SEC24D: variants seen among roughly 807,000 people sequenced by gnomAD.
SEC24D encodes the protein protein transport protein Sec24D.
In SEC24D, 69 loss-of-function variants were observed where a neutral mutation model predicts 116.9. The ratio of observed to expected loss-of-function variants is 0.59; its 90% CI spans 0.49 to 0.72. The LOEUF (loss-of-function observed/expected upper bound fraction) is 0.72, where lower values mean the gene tolerates loss of function less well. SEC24D is among the 30% of genes least tolerant of loss of function. The pLI, the probability that SEC24D is intolerant of heterozygous loss-of-function variation, is 0.00. For synonymous variants in SEC24D, 405 were observed against 442.8 expected (o/e 0.91, Z 1.07); for missense variants, 1,131 against 1,264.1 (o/e 0.89, Z 1.60).
Position 118,735,479 on chromosome 4 carries a change from G to A in SEC24D, c.2497-2567C>T, listed in dbSNP as rs115368226. On this transcript the variant is annotated intron_variant, in intron 19 of 22. Coordinates refer to ENST00000280551, the MANE Select transcript of SEC24D (RefSeq NM_014822.4). ...TTTGGAAAATTCTTTCCTTCTTTAGGTTTTAAAGTGACAGAAGTGGTAATG... is the reference window on the plus strand; with the variant it reads ...TTTGGAAAATTCTTTCCTTCTTTAGATTTTAAAGTGACAGAAGTGGTAATG... 7.5e-3 allele frequency among the ~76,000 whole-genome samples: 1,139 copies of A among 151,998 alleles called. 12 individuals are homozygous for A. The highest frequency in any genetic ancestry group is 0.023 in the African/African-American group (962 of 41,450).
chr4:118,809,568 A>T (rs1729817396), intron 6 of SEC24D, among the ~76,000 whole-genome samples: 1 of 152,218 alleles, frequency 6.6e-6, no homozygotes, highest in Admixed American at 6.5e-5. Context: ...TTAAGATAAA[A>T]ATAAATACTG....
chr4:118,772,199 A>T (rs1283068834), intron 8 of SEC24D, among the ~76,000 whole-genome samples: 1 of 152,202 alleles, frequency 6.6e-6, no homozygotes, highest in African/African-American at 2.4e-5. Flanking sequence ...GAAAGTAATG[A>T]ATTGCAATGA....
intron 3 of SEC24D, 117 bp downstream of exon 3, chr4:118,824,503 G>T: frequency 9.5e-7 from 1 of 1,057,790 alleles, no homozygotes; most frequent in Non-Finnish European, 1.4e-6. Flanking sequence ...CCTTTCAGGG[G>T]TGTGTAACAT....
rs542762349 is a variant in SEC24D, at chr4:118,810,937, T to C, written c.801+4091A>G. 5.1e-4 allele frequency among the ~76,000 whole-genome samples: 77 copies of C among 152,200 alleles called. 1 individual carries two copies. In the South Asian group the frequency reaches 0.016, roughly 32 times the overall value. ...CAGAGATATAAGCAAATGGGTGGAA[T>C]CCCAGAAGCAAAATGTAAAAGTTTC... On this transcript the variant is annotated intron_variant, in intron 6 of 22. Transcript: ENST00000280551.
intron 3 of SEC24D, among the ~76,000 whole-genome samples, chr4:118,818,453 A>T (rs115103359): frequency 0.044 from 6,654 of 152,302 alleles, 203 homozygotes; most frequent in Non-Finnish European, 0.064. Flanking sequence ...TGAGTGCACT[A>T]TTCAAAGCAT....
chr4:118,803,055 C>T (rs1457414580), intron 7 of SEC24D, among the ~76,000 whole-genome samples: 1 of 152,070 alleles, frequency 6.6e-6, no homozygotes, highest in African/African-American at 2.4e-5. Context: ...CTCATAGAGA[C>T]AGAACGTAGA....
intron 19 of SEC24D, 24 bp downstream of exon 19, chr4:118,738,237 A>T: frequency 6.8e-7 from 1 of 1,462,518 alleles, no homozygotes; most frequent in Non-Finnish European, 9.6e-7. Flanking sequence ...ACACTTTAAC[A>T]TCTATGTGCA....
intron 13 of SEC24D, among the ~76,000 whole-genome samples, chr4:118,747,369 C>T (rs868082049): frequency 6.7e-6 from 1 of 149,356 alleles, no homozygotes; most frequent in Admixed American, 6.7e-5. Context: ...TGGGTTCAAG[C>T]GATTCTTCTG....
chr4:118,792,153 T>C (rs1431950215), intron 8 of SEC24D, among the ~76,000 whole-genome samples: 1 of 147,174 alleles, frequency 6.8e-6, no homozygotes, highest in Non-Finnish European at 1.5e-5. Context: ...GTCTGGGAAC[T>C]GAGGAGTGTC....
At chr4:118,793,083 A>ACTCT (rs1434455103) in intron 8 of SEC24D, among the ~76,000 whole-genome samples, 1 of 152,140 alleles carries the variant, frequency 6.6e-6, no homozygotes, top group South Asian at 2.1e-4. Flanking sequence ...GAGATCAGGA[A>ACTCT]AATAATAAAG....
chr4:118,723,044 A>T lies in SEC24D; in HGVS notation c.*471T>A, dbSNP rs974958793. On this transcript the variant is annotated 3_prime_UTR_variant, in exon 23 of 23. Transcript: ENST00000280551. ...ATCCCAAGGTTATTAAAAGTCTGCTATGCAGACCTTAAGTTGAAAAATGTG... is the reference window on the plus strand; with the variant it reads ...ATCCCAAGGTTATTAAAAGTCTGCTTTGCAGACCTTAAGTTGAAAAATGTG... 6.5e-6 allele frequency: 1 copy of T among 152,714 alleles called. No individual in the cohort carries two copies. Among genetic ancestry groups the T allele is most frequent in the Non-Finnish European group, 1.5e-5 (1 of 68,120 alleles). The allele number at this position is 152,714 out of a possible 1,614,324, so 9.5% of individuals were successfully genotyped here. A position where few individuals can be genotyped will look rare whatever the true frequency, so the allele number is the denominator to read the frequency against.
chr4:118,815,751 A>C (rs745507323), intron 4 of SEC24D, 25 bp from the exon 5 acceptor site: 3 of 1,610,270 alleles, frequency 1.9e-6, no homozygotes, highest in African/African-American at 2.7e-5. Flanking sequence ...AGACCAGCCC[A>C]CTTAAATACC....
intron 8 of SEC24D, among the ~76,000 whole-genome samples, chr4:118,774,491 T>C (rs371603733): frequency 6.6e-6 from 1 of 152,200 alleles, no homozygotes; most frequent in East Asian, 1.9e-4. Context: ...CCCATCCACA[T>C]TGTTCAGAGG....
At chr4:118,726,782 T>G (rs1725437456) in intron 22 of SEC24D, among the ~76,000 whole-genome samples, 1 of 152,304 alleles carries the variant, frequency 6.6e-6, no homozygotes, top group South Asian at 2.1e-4. Flanking sequence ...GAAATCTTTT[T>G]TTGTTGTTGT....
At chr4:118,773,136 TCCC>T (rs1009302279) in intron 8 of SEC24D, among the ~76,000 whole-genome samples, 7 of 152,080 alleles carry the variant, frequency 4.6e-5, no homozygotes, top group African/African-American at 1.7e-4. Flanking sequence ...TACTTCTTCC[TCCC>T]CCTTTTTTTT....
chr4:118,731,859 A>G (rs1462064384), intron 20 of SEC24D, among the ~76,000 whole-genome samples: 2 of 152,194 alleles, frequency 1.3e-5, no homozygotes, highest in Non-Finnish European at 2.9e-5. Flanking sequence ...TAAGAAGGTA[A>G]CCTGAGGAGG....
chr4:118,762,698 A>G (rs981805155), intron 10 of SEC24D, among the ~76,000 whole-genome samples: 1 of 152,204 alleles, frequency 6.6e-6, no homozygotes, highest in African/African-American at 2.4e-5. Flanking sequence ...ATCAAATTTG[A>G]AGATGTTTAC....
At chr4:118,725,074 T>C (rs545666760) in intron 22 of SEC24D, among the ~76,000 whole-genome samples, 1 of 137,154 alleles carries the variant, frequency 7.3e-6, no homozygotes, top group Admixed American at 7.0e-5. Flanking sequence ...TTTTTTCCTT[T>C]ATAACGTTTC....
chr4:118,727,741 T>C (rs1725483498), intron 22 of SEC24D, among the ~76,000 whole-genome samples: 1 of 152,048 alleles, frequency 6.6e-6, no homozygotes, highest in Admixed American at 6.6e-5. Context: ...ATAGGTGCTG[T>C]GTGGTGTGAA....
Sources: allele counts gnomAD v4.1 joint callset (sites outside exome capture counted in the v4.1 genomes callset), GRCh38; gene constraint gnomAD v4.1.1; transcripts MANE v1.5; gene names NCBI Gene and HGNC (gene_info 2026-07-23, HGNC 2026-07-21).